Variants in RAMP1 observed in about 807,000 individuals in gnomAD.
RAMP1 encodes receptor activity-modifying protein 1.
Under a neutral mutation model 8.2 loss-of-function variants are expected in RAMP1, and 7 were observed. That is an observed-to-expected ratio of 0.85 (90% CI 0.49 to 1.60). The LOEUF (loss-of-function observed/expected upper bound fraction) is 1.60, where lower values mean the gene tolerates loss of function less well. Among genes scored for constraint, RAMP1 ranks in the 40% most tolerant of loss-of-function variants. The pLI is 0.00. For missense variants in RAMP1, 192 were observed against 202.4 expected (o/e 0.95, Z 0.31); for synonymous variants, 92 against 84.7 (o/e 1.09, Z -0.47).
intron 2 of RAMP1, among the ~76,000 whole-genome samples, chr2:237,900,569 C>G (rs1390741436): frequency 1.3e-5 from 2 of 152,028 alleles, no homozygotes; most frequent in Non-Finnish European, 1.5e-5. Context: ...TGTTTATTTT[C>G]ATTTATTTTT....
rs1355723482 is a variant in RAMP1 at position 237,865,325 on chromosome 2, G to C, written c.52+5598G>C. ...GAGGAGGGGAGGGCAGGGGAGAAGA[G>C]AGGAGGGGAGGGGAGGGCAGGGGAG... On this transcript the variant is annotated intron_variant, in intron 1 of 2. Coordinates refer to ENST00000254661, the MANE Select transcript of RAMP1 (RefSeq NM_005855.4). The surrounding 1 kb of genome is among the most constrained non-coding windows in gnomAD (Gnocchi z 4.2). 2.4e-5 allele frequency among the ~76,000 whole-genome samples: 3 copies of C among 125,760 alleles called. No homozygotes were observed. Among genetic ancestry groups the C allele is most frequent in the Non-Finnish European group, 5.1e-5 (3 of 58,680 alleles). 82.5% of individuals were successfully genotyped at this position (125,760 alleles called of 152,430 possible).
At chr2:237,874,944 G>A (rs968155312) in intron 1 of RAMP1, among the ~76,000 whole-genome samples, 8 of 152,286 alleles carry the variant, frequency 5.3e-5, no homozygotes, top group East Asian at 1.9e-4. Flanking sequence ...ACAGGGCAGC[G>A]GAGGAGGGCA....
intron 2 of RAMP1, among the ~76,000 whole-genome samples, chr2:237,885,293 G>A (rs1017306051): frequency 1.3e-5 from 2 of 152,196 alleles, no homozygotes; most frequent in African/African-American, 4.8e-5. Context: ...CGACCCCCAC[G>A]AGGTCTCGGG....
chr2:237,908,247 T>G (rs72981925), intron 2 of RAMP1, among the ~76,000 whole-genome samples: 13,197 of 152,230 alleles, frequency 0.087, 705 homozygotes, highest in African/African-American at 0.15. Flanking sequence ...CAAGGTTATG[T>G]TCAAGGCTTG....
At chr2:237,876,638 C>T (rs1184691958) in intron 1 of RAMP1, among the ~76,000 whole-genome samples, 1 of 150,972 alleles carries the variant, frequency 6.6e-6, no homozygotes, top group African/African-American at 2.5e-5. Context: ...GGGCCATGCT[C>T]TCCCCGCCAC....
chr2:237,878,134 G>T lies in RAMP1; in HGVS notation c.191+772G>T. 1.0e-6 allele frequency: 1 copy of T among 985,480 alleles called. No individual in the cohort carries two copies. Among genetic ancestry groups the T allele is most frequent in the Non-Finnish European group, 1.2e-6 (1 of 829,936 alleles). The allele number at this position is 985,480 out of a possible 1,614,324, so 61.0% of individuals were successfully genotyped here. A position where few individuals can be genotyped will look rare whatever the true frequency, so the allele number is the denominator to read the frequency against. On this transcript the variant is annotated intron_variant, in intron 2 of 2. Coordinates refer to ENST00000254661, the MANE Select transcript of RAMP1 (RefSeq NM_005855.4). This position sits in a 1 kb window ranked among gnomAD's most constrained non-coding sequence, Gnocchi z 5.7. ...GTGAGTAGCGGGGTCAGCAGTGCATGCGTGGAGCTGAAGGCCACCGCCTCC... is the reference window on the plus strand; with the variant it reads ...GTGAGTAGCGGGGTCAGCAGTGCATTCGTGGAGCTGAAGGCCACCGCCTCC...
At chr2:237,906,410 G>A (rs2062652028) in intron 2 of RAMP1, among the ~76,000 whole-genome samples, 1 of 152,168 alleles carries the variant, frequency 6.6e-6, no homozygotes, top group South Asian at 2.1e-4. Context: ...AGGGGCGGGG[G>A]TAGAGGGGTG....
At chr2:237,886,813 C>T (rs548910856) in intron 2 of RAMP1, among the ~76,000 whole-genome samples, 18 of 152,342 alleles carry the variant, frequency 1.2e-4, no homozygotes, top group African/African-American at 4.1e-4. Context: ...TGTGCGTCAA[C>T]GCGAAAGGTC....
chr2:237,871,626 A>C (rs1018033820), intron 1 of RAMP1, among the ~76,000 whole-genome samples: 1 of 152,256 alleles, frequency 6.6e-6, no homozygotes, highest in East Asian at 1.9e-4. Flanking sequence ...GGCCCTGGGC[A>C]CTTCTACCCT....
chr2:237,877,442 G>C lies in RAMP1; in HGVS notation c.191+80G>C. 6.5e-7 allele frequency: 1 copy of C among 1,531,302 alleles called. No individual in the cohort carries two copies. Among genetic ancestry groups the C allele is most frequent in the Admixed American group, 1.9e-5 (1 of 51,430 alleles). 94.9% of individuals were successfully genotyped at this position (1,531,302 alleles called of 1,614,324 possible). A position where few individuals can be genotyped will look rare whatever the true frequency, so the allele number is the denominator to read the frequency against. On this transcript the variant is annotated intron_variant, in intron 2 of 2. Transcript: ENST00000254661. The surrounding 1 kb of genome is among the most constrained non-coding windows in gnomAD (Gnocchi z 4.4). ...AGCGGAGGAGGAGTGGACCACGTGG[G>C]AGCTGTGGAAGATCCTTTCTAGACC... is the stretch of plus-strand genomic sequence containing the variant.
At chr2:237,888,750 A>G (rs1470555712) in intron 2 of RAMP1, among the ~76,000 whole-genome samples, 1 of 151,928 alleles carries the variant, frequency 6.6e-6, no homozygotes, top group Non-Finnish European at 1.5e-5. Flanking sequence ...AGGTATTTTT[A>G]ATCTTCTTTT....
intron 2 of RAMP1, among the ~76,000 whole-genome samples, chr2:237,904,971 G>A (rs2062638572): frequency 6.6e-6 from 1 of 152,134 alleles, no homozygotes. Flanking sequence ...TGACTCACCT[G>A]TGAGCATCAG....
chr2:237,880,252 C>T lies in RAMP1; in HGVS notation c.191+2890C>T, dbSNP rs144893285. Among the ~76,000 whole-genome samples the T allele has an allele frequency of 2.0e-4, 30 of 152,260 alleles. 1 individual carries two copies. The highest frequency in any genetic ancestry group is 6.3e-4 in the African/African-American group (26 of 41,564). On this transcript the variant is annotated intron_variant, in intron 2 of 2. Coordinates refer to ENST00000254661, the MANE Select transcript of RAMP1 (RefSeq NM_005855.4). Reference sequence around the variant, plus strand: ...GGAGATGCGGGATCATCCCGGGGCCCGGTGCTATCACAAGGTCCCTTAGGT... The same window carrying T: ...GGAGATGCGGGATCATCCCGGGGCCTGGTGCTATCACAAGGTCCCTTAGGT...
intron 2 of RAMP1, among the ~76,000 whole-genome samples, chr2:237,898,489 C>T (rs931838521): frequency 1.3e-5 from 2 of 152,190 alleles, no homozygotes; most frequent in African/African-American, 2.4e-5. Flanking sequence ...GCCACTCACC[C>T]GTAGGAGTTC....
At position 237,912,008 on chromosome 2, in the gene RAMP1, G is replaced by A. The variant is rs929975619; in HGVS notation, c.*225G>A. 23 of 684,578 alleles carry A rather than the reference G, an allele frequency of 3.4e-5. No individual in the cohort carries two copies. The highest frequency in any genetic ancestry group is 2.9e-4 in the African/African-American group (16 of 55,390). 42.4% of individuals were successfully genotyped at this position (684,578 alleles called of 1,614,324 possible). The stretch of plus-strand genomic sequence containing the variant: ...CACCCTAGGAAGGGGGCAGGGACGT[G>A]ACCTTGACTTACCTCTGGAAAGGGT... On this transcript the variant is annotated 3_prime_UTR_variant, in exon 3 of 3. Coordinates refer to ENST00000254661, the MANE Select transcript of RAMP1 (RefSeq NM_005855.4).
upstream of RAMP1, chr2:237,859,622 C>T (rs1271383814): frequency 4.1e-5 from 53 of 1,292,318 alleles, no homozygotes; most frequent in African/African-American, 9.3e-5. Context: ...GCGGCGGGCT[C>T]AGTCCTCAGC....
At chr2:237,875,648 TTC>T (rs2062295198) in intron 1 of RAMP1, among the ~76,000 whole-genome samples, 2 of 152,140 alleles carry the variant, frequency 1.3e-5, no homozygotes, top group African/African-American at 4.8e-5. Context: ...ACATCCCTGA[TTC>T]AACACACCTG....
rs778315728 is a variant in RAMP1, at chr2:237,911,720, G to A, written c.384G>A (p.Thr128=). 39 of 1,613,602 alleles carry A rather than the reference G, an allele frequency of 2.4e-5. No individual in the cohort carries two copies. The highest frequency in any genetic ancestry group is 3.3e-5 in the Admixed American group (2 of 59,980). ...ACCCCTTCATCGTGGTCCCCATCAC[G>A]GTGACCCTGCTGGTGACGGCACTGG... ...ILYPFIVVPI[T]VTLLVTALVV... Residue 128 remains threonine, a synonymous_variant, in exon 3 of 3, where the codon ACG becomes ACA. Coordinates refer to ENST00000254661, the MANE Select transcript of RAMP1 (RefSeq NM_005855.4).
intron 2 of RAMP1, among the ~76,000 whole-genome samples, chr2:237,883,412 T>C (rs1171446900): frequency 6.6e-6 from 1 of 152,158 alleles, no homozygotes; most frequent in Non-Finnish European, 1.5e-5. Flanking sequence ...TCGTGCCAGC[T>C]CCTAGTGCCG....
Sources: allele counts gnomAD v4.1 joint callset (sites outside exome capture counted in the v4.1 genomes callset), GRCh38; gene constraint gnomAD v4.1.1; non-coding constraint Gnocchi (gnomAD v3.1); transcripts MANE v1.5; gene names NCBI Gene and HGNC (gene_info 2026-07-23, HGNC 2026-07-21).